The following ZNF438 variants were observed in gnomAD, a reference collection of about 807,000 sequenced individuals.
ZNF438 encodes zinc finger protein 438.
A neutral mutation model predicts 38.0 loss-of-function variants in ZNF438; 25 were observed. The observed-to-expected ratio is 0.66, with a 90% CI of 0.48 to 0.92. The LOEUF is 0.92. ZNF438 is among the 40% of genes least tolerant of loss of function. The pLI is 0.00. For missense variants in ZNF438, 1,007 were observed against 999.6 expected, an observed-to-expected ratio of 1.01 and a Z score of -0.10; for synonymous variants, 372 against 364.1, an observed-to-expected ratio of 1.02 and a Z score of -0.25.
chr10:30,958,376 A>T (rs2049099733), intron 1 of ZNF438, among the ~76,000 whole-genome samples: 1 of 147,268 alleles, frequency 6.8e-6, no homozygotes, highest in Non-Finnish European at 1.5e-5. Context: ...ATATTGATAA[A>T]TTTTGATCTT....
At chr10:30,936,693 G>A (rs904968931) in intron 2 of ZNF438, among the ~76,000 whole-genome samples, 2 of 152,140 alleles carry the variant, frequency 1.3e-5, no homozygotes, top group Non-Finnish European at 2.9e-5. Context: ...GTAATTCATA[G>A]GATGTGGAGA....
chr10:30,910,754 A>G (rs902311361), intron 2 of ZNF438, among the ~76,000 whole-genome samples: 1 of 151,854 alleles, frequency 6.6e-6, no homozygotes, highest in Non-Finnish European at 1.5e-5. Flanking sequence ...GTAAAAATAA[A>G]CTATTTCTTA....
At chr10:30,848,478 T>A in intron 5 of ZNF438, 53 bp downstream of exon 6, 1 of 1,546,002 alleles carries the variant, frequency 6.5e-7, no homozygotes, top group East Asian at 2.3e-5. Context: ...CTTCCCCTCT[T>A]CCCCAAATCA....
chr10:30,872,523 G>A (rs915328876), intron 4 of ZNF438, among the ~76,000 whole-genome samples: 7 of 147,328 alleles, frequency 4.8e-5, no homozygotes, highest in Non-Finnish European at 1.0e-4. Flanking sequence ...GGCCGAGGCG[G>A]ACAGATCACG....
chr10:30,935,076 T>C (rs1180294801), intron 2 of ZNF438, among the ~76,000 whole-genome samples: 1 of 152,244 alleles, frequency 6.6e-6, no homozygotes, highest in Admixed American at 6.5e-5. Flanking sequence ...TTCTATTGGT[T>C]TTCATACCTA....
At chr10:30,932,377 G>C (rs544040265) in intron 2 of ZNF438, among the ~76,000 whole-genome samples, 1 of 152,204 alleles carries the variant, frequency 6.6e-6, no homozygotes, top group South Asian at 2.1e-4. Flanking sequence ...AATTACATAT[G>C]AATAAGAGCT....
intron 1 of ZNF438, among the ~76,000 whole-genome samples, chr10:30,967,041 T>C (rs567920805): frequency 2.4e-4 from 36 of 152,298 alleles, no homozygotes; most frequent in African/African-American, 7.7e-4. Flanking sequence ...GCAGTAAGAA[T>C]AAACTTACCC....
intron 4 of ZNF438, among the ~76,000 whole-genome samples, chr10:30,874,042 C>T (rs558727314): frequency 7.4e-5 from 11 of 148,260 alleles, no homozygotes; most frequent in East Asian, 3.9e-4. Flanking sequence ...TCATGTCACA[C>T]AAATTATGTA....
exon 5 of ZNF438, chr10:30,849,550 A>G: frequency 6.2e-7 from 1 of 1,614,268 alleles, no homozygotes; most frequent in Non-Finnish European, 8.5e-7. Context: ...TGGGGACTGA[A>G]GAGATCAACT....
At chr10:30,858,903 T>C (rs76256623) in intron 4 of ZNF438, among the ~76,000 whole-genome samples, 2 of 152,202 alleles carry the variant, frequency 1.3e-5, no homozygotes, top group African/African-American at 2.4e-5. Context: ...AGTGCATCCA[T>C]CACCTCACTT....
Position 30,873,751 on chromosome 10 carries a change from G to A in ZNF438, c.37+3247C>T, listed in dbSNP as rs144502188. On this transcript the variant is annotated intron_variant, in intron 4 of 5. Coordinates refer to ENST00000413025, the Ensembl canonical transcript of ZNF438. ...TTTGGATTCTTCATAGCATCTGATAGTTCCTCGTATGAATTACCTTGGTGA... is the reference window on the plus strand; with the variant it reads ...TTTGGATTCTTCATAGCATCTGATAATTCCTCGTATGAATTACCTTGGTGA... 1.5e-3 allele frequency among the ~76,000 whole-genome samples: 231 copies of A among 152,258 alleles called. 1 individual carries two copies. The highest frequency in any genetic ancestry group is 5.5e-3 in the African/African-American group (228 of 41,558).
intron 4 of ZNF438, among the ~76,000 whole-genome samples, chr10:30,860,479 G>A (rs1445096001): frequency 6.6e-6 from 1 of 152,196 alleles, no homozygotes; most frequent in Non-Finnish European, 1.5e-5. Context: ...CTCATTATCA[G>A]TGAACCTTCA....
intron 3 of ZNF438, among the ~76,000 whole-genome samples, chr10:30,894,981 C>T (rs1167264348): frequency 1.3e-5 from 2 of 152,068 alleles, no homozygotes; most frequent in East Asian, 1.9e-4. Flanking sequence ...GAAAGTTAAC[C>T]TTACAACAAA....
chr10:30,933,578 A>C (rs2045920883), intron 2 of ZNF438, among the ~76,000 whole-genome samples: 1 of 151,974 alleles, frequency 6.6e-6, no homozygotes, highest in Non-Finnish European at 1.5e-5. Flanking sequence ...TGATAAGGCC[A>C]CTGTACTTCA....
chr10:30,848,912 C>G (rs1332496251), exon 5 of ZNF438: 1 of 1,614,190 alleles, frequency 6.2e-7, no homozygotes, highest in Admixed American at 1.7e-5. Context: ...GCCAGAGAAT[C>G]CATTTCTGAA....
intron 3 of ZNF438, among the ~76,000 whole-genome samples, chr10:30,902,045 G>A (rs1330692850): frequency 6.6e-6 from 1 of 152,160 alleles, no homozygotes; most frequent in Non-Finnish European, 1.5e-5. Context: ...GCTCATAAAG[G>A]CAGTGTGGAC....
chr10:30,905,370 A>G (rs2934640), intron 3 of ZNF438, among the ~76,000 whole-genome samples: 118,818 of 152,228 alleles, frequency 0.78, 47,154 homozygotes, highest in African/African-American at 0.89. Context: ...ACGACGTTGC[A>G]CATCTTTTCA....
intron 1 of ZNF438, among the ~76,000 whole-genome samples, chr10:30,985,302 G>C (rs1175297030): frequency 1.3e-5 from 2 of 152,168 alleles, no homozygotes; most frequent in African/African-American, 2.4e-5. Context: ...TTTAATGAAA[G>C]CAGACAGGAC....
intron 1 of ZNF438, among the ~76,000 whole-genome samples, chr10:31,019,888 G>C (rs999469657): frequency 1.3e-5 from 2 of 152,050 alleles, no homozygotes; most frequent in African/African-American, 4.8e-5. Flanking sequence ...TAAATGAAGA[G>C]AATCTCACTC....
Sources: allele counts gnomAD v4.1 joint callset (sites outside exome capture counted in the v4.1 genomes callset), GRCh38; gene constraint gnomAD v4.1.1; transcripts MANE v1.5; gene names NCBI Gene and HGNC (gene_info 2026-07-23, HGNC 2026-07-21).